The following EDARADD variants were observed in gnomAD, a reference collection of about 807,000 sequenced individuals.
EDARADD encodes EDAR associated via death domain, also known as ectodysplasin-A receptor-associated adapter protein.
Under a neutral mutation model 25.6 loss-of-function variants are expected in EDARADD, and 20 were observed. That is an observed-to-expected ratio of 0.78 (90% CI 0.55 to 1.14). The LOEUF (loss-of-function observed/expected upper bound fraction) is 1.14. Among genes scored for constraint, EDARADD ranks in the 50% most tolerant of loss-of-function variants. EDARADD has a pLI of 0.00. For synonymous variants in EDARADD, 86 were observed against 94.4 expected (o/e 0.91, Z 0.52); for missense variants, 225 against 270.1 (o/e 0.83, Z 1.17).
In EDARADD at chr1:236,484,423, AG is replaced by A; in HGVS notation, c.*1776del. 1.2e-6 allele frequency: 2 copies of A among 1,610,588 alleles called. No individual in the cohort carries two copies. Among genetic ancestry groups the A allele is most frequent in the Non-Finnish European group, 1.7e-6 (2 of 1,178,092 alleles). ...AGAATTGAAGAGGAGCTGGGCAGCA[AG>A]GCTAAGTTTGCCGGCAGGAACTTCA... On this transcript the variant is annotated 3_prime_UTR_variant, in exon 6 of 6. Transcript: ENST00000334232. The surrounding 1 kb of genome is among the most constrained non-coding windows in gnomAD (Gnocchi z 4.1).
At chr1:236,447,233 C>CTTT (rs59368020) in intron 4 of EDARADD, among the ~76,000 whole-genome samples, 1,390 of 104,340 alleles carry the variant, frequency 0.013, 52 homozygotes, top group African/African-American at 0.055. Flanking sequence ...TCCTTTCTTT[C>CTTT]CTTTCTTTCC....
chr1:236,483,963 C>A lies in EDARADD; in HGVS notation c.*1314C>A. 1 of 1,368,222 alleles carries A rather than the reference C, an allele frequency of 7.3e-7. No homozygotes were observed. Among genetic ancestry groups the A allele is most frequent in the African/African-American group, 1.4e-5 (1 of 70,114 alleles). 84.8% of individuals were successfully genotyped at this position (1,368,222 alleles called of 1,614,324 possible). ...CCTGGAATTCAAGTTTCTCGACGAC[C>A]CCACCAGGTACATCTCACCTGACTG... is the stretch of plus-strand genomic sequence containing the variant. On this transcript the variant is annotated 3_prime_UTR_variant, in exon 6 of 6. Transcript: ENST00000334232.
At chr1:236,446,116 G>A (rs16833683) in intron 4 of EDARADD, among the ~76,000 whole-genome samples, 8,675 of 152,254 alleles carry the variant, frequency 0.057, 719 homozygotes, top group African/African-American at 0.18. Flanking sequence ...TAAGAGAAGA[G>A]CGGGCCATCT....
Position 236,409,220 on chromosome 1 carries a change from T to A in EDARADD, c.66T>A (p.His22Gln). 1.2e-6 allele frequency: 2 copies of A among 1,612,338 alleles called. No homozygotes were observed. Among genetic ancestry groups the A allele is most frequent in the Non-Finnish European group, 1.7e-6 (2 of 1,179,204 alleles). ...TTGTTTTTGTTCTTTTTACAGATCA[T>A]ATGGTAAAGGAACCAGTGGAAGACA... is the stretch of plus-strand genomic sequence containing the variant. ...GTKAPGHQED[H>Q]MVKEPVEDTD... The change falls in exon 2 of 6, where the codon CAT becomes CAA. Residue 22 changes from histidine (H) to glutamine (Q), a missense_variant. By Grantham distance (24) the His-to-Gln change is conservative. Coordinates refer to ENST00000334232, the MANE Select transcript of EDARADD (RefSeq NM_145861.4).
At chr1:236,473,688 G>A (rs1231874571) in intron 5 of EDARADD, among the ~76,000 whole-genome samples, 1 of 152,152 alleles carries the variant, frequency 6.6e-6, no homozygotes, top group Non-Finnish European at 1.5e-5. Context: ...AGGAGGCTGA[G>A]GTGGGAGCGT....
intron 3 of EDARADD, among the ~76,000 whole-genome samples, chr1:236,418,815 C>G (rs1657707656): frequency 6.6e-6 from 1 of 152,134 alleles, no homozygotes; most frequent in Admixed American, 6.5e-5. Context: ...GAAGAGTTGT[C>G]CCTGTTCCCA....
At chr1:236,373,719 C>T (rs1364322667) in intron 3 of EDARADD, among the ~76,000 whole-genome samples, 1 of 151,884 alleles carries the variant, frequency 6.6e-6, no homozygotes, top group Non-Finnish European at 1.5e-5. Context: ...AATTTGTTCT[C>T]CTTTTTCTGT....
intron 4 of EDARADD, among the ~76,000 whole-genome samples, chr1:236,462,086 A>C (rs1046594644): frequency 3.3e-5 from 5 of 152,210 alleles, no homozygotes; most frequent in Admixed American, 2.6e-4. Context: ...GAGCAGGAAC[A>C]AGGAAAAAGC....
intron 4 of EDARADD, among the ~76,000 whole-genome samples, chr1:236,456,325 C>T (rs1188511941): frequency 6.6e-6 from 1 of 152,160 alleles, no homozygotes; most frequent in African/African-American, 2.4e-5. Flanking sequence ...CGCTCACTCA[C>T]CTCTAGTAAG....
upstream of EDARADD, among the ~76,000 whole-genome samples, chr1:236,390,627 T>C (rs1047911516): frequency 7.2e-5 from 11 of 152,200 alleles, no homozygotes; most frequent in Non-Finnish European, 1.3e-4. Flanking sequence ...AATTCTGATA[T>C]GTTTCTCCTG....
intron 4 of EDARADD, among the ~76,000 whole-genome samples, chr1:236,443,128 G>C (rs553523971): frequency 6.6e-6 from 1 of 152,130 alleles, no homozygotes; most frequent in African/African-American, 2.4e-5. Flanking sequence ...AGTCCCCACC[G>C]GCAAGAAGGC....
intron 3 of EDARADD, among the ~76,000 whole-genome samples, chr1:236,387,180 G>A (rs867682806): frequency 0.021 from 351 of 17,060 alleles, no homozygotes; most frequent in Middle Eastern, 0.042. Context: ...CAGCCGCCCC[G>A]TCCGGGAGGG....
chr1:236,475,772 A>G (rs1659485363), intron 5 of EDARADD, among the ~76,000 whole-genome samples: 1 of 151,062 alleles, frequency 6.6e-6, no homozygotes, highest in South Asian at 2.1e-4. Context: ...CTCAAAAAAA[A>G]AGAAAGAAAA....
chr1:236,378,590 G>A (rs1667253625), intron 3 of EDARADD, among the ~76,000 whole-genome samples: 1 of 152,128 alleles, frequency 6.6e-6, no homozygotes, highest in Non-Finnish European at 1.5e-5. Flanking sequence ...GTGGAGCTTT[G>A]TACTTGTTAG....
At chr1:236,458,460 A>G (rs1658934685) in intron 4 of EDARADD, among the ~76,000 whole-genome samples, 1 of 152,198 alleles carries the variant, frequency 6.6e-6, no homozygotes, top group African/African-American at 2.4e-5. Flanking sequence ...GGCCATGACT[A>G]AGGAATCAGG....
intron 4 of EDARADD, among the ~76,000 whole-genome samples, chr1:236,452,067 A>G (rs1003751978): frequency 1.3e-5 from 2 of 152,174 alleles, no homozygotes; most frequent in Admixed American, 1.3e-4. Flanking sequence ...CCTCATGCCC[A>G]CAGGTTAGGT....
Position 236,361,874 on chromosome 1 carries a change from G to T in EDARADD, c.-6+11035G>T, listed in dbSNP as rs1037584456. Among the ~76,000 whole-genome samples the T allele has an allele frequency of 5.3e-5, 8 of 151,920 alleles. No individual in the cohort carries two copies. In the South Asian group the frequency reaches 1.7e-3, roughly 31 times the overall value. On this transcript the variant is annotated intron_variant, in intron 3 of 7. Transcript: ENST00000439430. ...TACAAATACTTTTCTGAACATCCGTGTATACGTTTTTGTATAATTATATGC... is the reference window on the plus strand; with the variant it reads ...TACAAATACTTTTCTGAACATCCGTTTATACGTTTTTGTATAATTATATGC...
At chr1:236,427,945 AT>A (rs66521170) in intron 4 of EDARADD, among the ~76,000 whole-genome samples, 2 of 114,264 alleles carry the variant, frequency 1.8e-5, no homozygotes, top group Non-Finnish European at 4.4e-5. Context: ...TTTAATTGTA[AT>A]TTTTTTAATT....
Position 236,459,085 on chromosome 1 carries a change from C to T in EDARADD, c.220-9146C>T, listed in dbSNP as rs112949707. On this transcript the variant is annotated intron_variant, in intron 4 of 5. Transcript: ENST00000334232. ...GTCAGCTAGCACACAATTGTGCACC[C>T]GAGGAAAATTAGAGACTGAACCGGG... Among the ~76,000 whole-genome samples, 125 of 152,186 alleles carry T rather than the reference C, an allele frequency of 8.2e-4. 2 individuals carry two copies. The highest frequency in any genetic ancestry group is 2.9e-3 in the African/African-American group (120 of 41,526).
Sources: allele counts gnomAD v4.1 joint callset (sites outside exome capture counted in the v4.1 genomes callset), GRCh38; gene constraint gnomAD v4.1.1; non-coding constraint Gnocchi (gnomAD v3.1); transcripts MANE v1.5; gene names NCBI Gene and HGNC (gene_info 2026-07-23, HGNC 2026-07-21).